NTN4: variants seen among roughly 807,000 people sequenced by gnomAD.
NTN4 encodes the protein netrin-4.
A neutral mutation model predicts 73.6 loss-of-function variants in NTN4; 32 were observed. The observed-to-expected ratio is 0.44, with a 90% CI of 0.33 to 0.58. NTN4 has a LOEUF of 0.58. Ranked by LOEUF, NTN4 falls within the 20% of genes least tolerant of loss-of-function variation. The pLI, the probability that NTN4 is intolerant of heterozygous loss-of-function variation, is 0.04. For synonymous variants in NTN4, 258 were observed against 287.5 expected (o/e 0.90, Z 1.04); for missense variants, 654 against 798.3 (o/e 0.82, Z 2.18).
chr12:95,752,239 G>C lies in NTN4; in HGVS notation c.586-14095C>G, dbSNP rs535195024. On this transcript the variant is annotated intron_variant, in intron 2 of 9. Coordinates refer to ENST00000343702, the MANE Select transcript of NTN4 (RefSeq NM_021229.4). The stretch of plus-strand genomic sequence containing the variant: ...GGCCTTTTAAAGCCTATAAACTCTC[G>C]TTACAATTCCCCCATTTTACCTGTC... 5.6e-3 allele frequency among the ~76,000 whole-genome samples: 830 copies of C among 147,712 alleles called. 5 individuals are homozygous for C. The highest frequency in any genetic ancestry group is 0.017 in the African/African-American group (662 of 39,628).
rs149431601 is a variant in NTN4 at position 95,727,193 on chromosome 12, T to G, written c.864+10673A>C. Reference sequence around the variant, plus strand: ...ACTAATGATGTTGAATGTCTTTTTATGTGCTTATTGGCCATTTGCATACCT... The same window carrying G: ...ACTAATGATGTTGAATGTCTTTTTAGGTGCTTATTGGCCATTTGCATACCT... On this transcript the variant is annotated intron_variant, in intron 3 of 9. Transcript: ENST00000343702. Among the ~76,000 whole-genome samples, 449 of 152,300 alleles carry G rather than the reference T, an allele frequency of 2.9e-3. 1 individual carries two copies. The highest frequency in any genetic ancestry group is 0.01 in the Middle Eastern group (3 of 294).
intron 5 of NTN4, among the ~76,000 whole-genome samples, chr12:95,697,629 CTTTT>C: frequency 7.7e-6 from 1 of 129,512 alleles, no homozygotes; most frequent in South Asian, 2.5e-4. Flanking sequence ...AAGGCTTTTA[CTTTT>C]TTTTTTTTTT....
At chr12:95,760,906 C>A (rs1401723701) in intron 2 of NTN4, among the ~76,000 whole-genome samples, 1 of 152,064 alleles carries the variant, frequency 6.6e-6, no homozygotes, top group Non-Finnish European at 1.5e-5. Context: ...TGTAATTATT[C>A]TTTCTTATTC....
At chr12:95,707,729 A>G (rs1172679954) in intron 5 of NTN4, among the ~76,000 whole-genome samples, 1 of 152,212 alleles carries the variant, frequency 6.6e-6, no homozygotes, top group Non-Finnish European at 1.5e-5. Flanking sequence ...GGCACATAGT[A>G]GGCGCTCAAT....
chr12:95,788,877 T>C (rs981610218), intron 1 of NTN4, among the ~76,000 whole-genome samples: 2 of 152,198 alleles, frequency 1.3e-5, no homozygotes, highest in African/African-American at 4.8e-5. Flanking sequence ...GAAAATCATA[T>C]ACTGCCTGTA....
chr12:95,686,623 T>C (rs1427489389), intron 5 of NTN4, among the ~76,000 whole-genome samples: 1 of 151,938 alleles, frequency 6.6e-6, no homozygotes, highest in Non-Finnish European at 1.5e-5. Context: ...CCGGGCGTGA[T>C]GGTGCACGCC....
At chr12:95,740,643 A>C (rs1402173413) in intron 2 of NTN4, among the ~76,000 whole-genome samples, 1 of 152,202 alleles carries the variant, frequency 6.6e-6, no homozygotes, top group Non-Finnish European at 1.5e-5. Flanking sequence ...CGGTCATGCA[A>C]AATATTAAAG....
chr12:95,659,430 G>A (rs924895491), intron 9 of NTN4, among the ~76,000 whole-genome samples: 4 of 152,002 alleles, frequency 2.6e-5, no homozygotes, highest in African/African-American at 9.7e-5. Flanking sequence ...CAAGTACTTG[G>A]TACTACAGTT....
intron 2 of NTN4, among the ~76,000 whole-genome samples, chr12:95,746,066 C>T (rs953131206): frequency 1.3e-5 from 2 of 152,052 alleles, no homozygotes; most frequent in African/African-American, 4.8e-5. Flanking sequence ...GACTTGTTTC[C>T]ACCTGAATTG....
At chr12:95,788,800 C>G (rs1261667117) in intron 1 of NTN4, among the ~76,000 whole-genome samples, 1 of 152,190 alleles carries the variant, frequency 6.6e-6, no homozygotes, top group East Asian at 1.9e-4. Context: ...GCTGGGGCAA[C>G]AGTTGCTTGT....
chr12:95,698,732 C>A (rs2078460122), intron 5 of NTN4, among the ~76,000 whole-genome samples: 1 of 152,048 alleles, frequency 6.6e-6, no homozygotes, highest in South Asian at 2.1e-4. Flanking sequence ...TGGCACATGC[C>A]TGTAGTCCCA....
At chr12:95,687,372 T>C (rs79668686) in intron 5 of NTN4, among the ~76,000 whole-genome samples, 2,908 of 151,896 alleles carry the variant, frequency 0.019, 82 homozygotes, top group African/African-American at 0.065. Context: ...AAAAATAATT[T>C]GGTGAAAAAA....
At chr12:95,672,209 G>C in intron 7 of NTN4, 1 of 576,112 alleles carries the variant, frequency 1.7e-6, no homozygotes, top group Non-Finnish European at 3.1e-6. Context: ...GGGTTGCGGG[G>C]GGCGGGCGGG....
intron 3 of NTN4, among the ~76,000 whole-genome samples, chr12:95,728,345 C>G (rs1212998247): frequency 6.6e-6 from 1 of 152,154 alleles, no homozygotes; most frequent in Non-Finnish European, 1.5e-5. Context: ...GGGGTGAGAG[C>G]AGACATCCTT....
At chr12:95,757,718 G>A (rs1296671377) in intron 2 of NTN4, among the ~76,000 whole-genome samples, 2 of 144,636 alleles carry the variant, frequency 1.4e-5, no homozygotes, top group African/African-American at 4.9e-5. Context: ...TGAGCAATAT[G>A]GGAAAATAGT....
chr12:95,748,085 G>T (rs1336905257), intron 2 of NTN4, among the ~76,000 whole-genome samples: 1 of 151,718 alleles, frequency 6.6e-6, no homozygotes, highest in Non-Finnish European at 1.5e-5. Context: ...CGAAACATTA[G>T]CTAGGCATGG....
At chr12:95,771,966 G>A (rs2079061744) in intron 2 of NTN4, among the ~76,000 whole-genome samples, 1 of 152,004 alleles carries the variant, frequency 6.6e-6, no homozygotes, top group Non-Finnish European at 1.5e-5. Context: ...TCTGACTATG[G>A]TAACCCAACA....
intron 3 of NTN4, among the ~76,000 whole-genome samples, chr12:95,730,912 G>A (rs750095745): frequency 6.6e-5 from 10 of 152,208 alleles, no homozygotes; most frequent in Admixed American, 1.3e-4. Flanking sequence ...AATGATAGAG[G>A]TTGCTGGTGC....
At chr12:95,772,930 C>T (rs1159221485) in intron 2 of NTN4, among the ~76,000 whole-genome samples, 1 of 152,150 alleles carries the variant, frequency 6.6e-6, no homozygotes, top group South Asian at 2.1e-4. Flanking sequence ...CCAGAGTAAT[C>T]GTACTAAAAA....
Sources: gnomAD v4.1 joint callset for allele counts (sites outside exome capture counted in the v4.1 genomes callset) on GRCh38, gnomAD v4.1.1 for gene constraint, MANE v1.5 for transcripts, NCBI Gene and HGNC (gene_info 2026-07-23, HGNC 2026-07-21) for gene names.